CLRN1: variants seen among roughly 807,000 people sequenced by gnomAD.
CLRN1 encodes clarin 1, also known as clarin-1.
A neutral mutation model predicts 18.7 loss-of-function variants in CLRN1; 15 were observed. That is an observed-to-expected ratio of 0.80 (90% CI 0.54 to 1.23). The LOEUF is 1.23. Among genes scored for constraint, CLRN1 ranks in the 50% most tolerant of loss-of-function variants. CLRN1 has a pLI of 0.00. For synonymous variants in CLRN1, 104 were observed against 102.9 expected (o/e 1.01, Z -0.07); for missense variants, 311 against 277.5 (o/e 1.12, Z -0.86).
Position 150,927,080 on chromosome 3 carries a change from C to A in CLRN1, c.*856G>T. ...GTCATTTTGCATCAAATGTACTAAG[C>A]AGAGATCATTTTTCATGATTCCTCA... is the stretch of plus-strand genomic sequence containing the variant. On this transcript the variant is annotated 3_prime_UTR_variant, in exon 3 of 3. Transcript: ENST00000327047. The A allele has an allele frequency of 1.2e-6, 1 of 849,142 alleles. No individual in the cohort carries two copies. The highest frequency in any genetic ancestry group is 1.9e-6 in the Non-Finnish European group (1 of 523,004). The allele number at this position is 849,142 out of a possible 1,614,324, so 52.6% of individuals were successfully genotyped here. A position where few individuals can be genotyped will look rare whatever the true frequency, so the allele number is the denominator to read the frequency against.
At chr3:150,943,624 A>G (rs1713985582) in intron 1 of CLRN1, among the ~76,000 whole-genome samples, 1 of 152,248 alleles carries the variant, frequency 6.6e-6, no homozygotes, top group African/African-American at 2.4e-5. Flanking sequence ...CCAAACAAGA[A>G]TTCAGGATGC....
intron 2 of CLRN1, among the ~76,000 whole-genome samples, chr3:150,930,098 G>C (rs1361104249): frequency 2.0e-5 from 3 of 152,184 alleles, no homozygotes; most frequent in Non-Finnish European, 4.4e-5. Context: ...TTTGGCAGAG[G>C]ACATAAAATC....
intron 1 of CLRN1, among the ~76,000 whole-genome samples, chr3:150,944,542 A>T (rs1406297305): frequency 7.6e-6 from 1 of 131,856 alleles, no homozygotes. Flanking sequence ...TGGAGATGGA[A>T]GATAGGACTT....
chr3:150,938,374 A>G (rs139429178), intron 2 of CLRN1, among the ~76,000 whole-genome samples: 2 of 152,300 alleles, frequency 1.3e-5, no homozygotes, highest in African/African-American at 4.8e-5. Flanking sequence ...GATAAGGGCT[A>G]CAAACCTACC....
At chr3:150,953,697 T>C (rs1714599195) in intron 1 of CLRN1, among the ~76,000 whole-genome samples, 1 of 152,048 alleles carries the variant, frequency 6.6e-6, no homozygotes, top group Non-Finnish European at 1.5e-5. Context: ...TTTGTATTTT[T>C]AGTAGAGACA....
At chr3:150,958,225 T>C (rs906599179) in intron 1 of CLRN1, among the ~76,000 whole-genome samples, 1 of 152,228 alleles carries the variant, frequency 6.6e-6, no homozygotes, top group Admixed American at 6.5e-5. Flanking sequence ...CAACTGTCCA[T>C]TCAGTAGAAA....
At chr3:150,945,804 T>C (rs1714135407) in intron 1 of CLRN1, 2 of 438,226 alleles carry the variant, frequency 4.6e-6, no homozygotes, top group Non-Finnish European at 7.4e-6. Flanking sequence ...ATGGGGACCC[T>C]TGTGCATTTT....
intron 1 of CLRN1, among the ~76,000 whole-genome samples, chr3:150,943,151 G>A (rs572885259): frequency 3.3e-5 from 5 of 152,116 alleles, no homozygotes; most frequent in African/African-American, 7.2e-5. Flanking sequence ...GTTATCCAGC[G>A]GTATCAATGA....
rs886845489 is a variant in CLRN1 at position 150,941,524 on chromosome 3, G to C, written c.433+58C>G. On this transcript the variant is annotated intron_variant, in intron 2 of 2. Coordinates refer to ENST00000327047, the MANE Select transcript of CLRN1 (RefSeq NM_174878.3). ...ATTATAACTTTATATTTAGGTAGAC[G>C]GTCTTTTTGACATATTGAAAAGCAC... is the stretch of plus-strand genomic sequence containing the variant. 4.0e-6 allele frequency: 6 copies of C among 1,508,008 alleles called. No homozygotes were observed. The Admixed American group carries it at 1.0e-4, about 26-fold the overall frequency. The allele number at this position is 1,508,008 out of a possible 1,614,324, so 93.4% of individuals were successfully genotyped here. A position where few individuals can be genotyped will look rare whatever the true frequency, so the allele number is the denominator to read the frequency against.
chr3:150,936,991 T>G (rs956694480), intron 2 of CLRN1, among the ~76,000 whole-genome samples: 2 of 152,218 alleles, frequency 1.3e-5, no homozygotes, highest in Non-Finnish European at 2.9e-5. Flanking sequence ...GCCAGATCTC[T>G]GCTATCTTTC....
chr3:150,943,319 T>C (rs1305484853), intron 1 of CLRN1, among the ~76,000 whole-genome samples: 3 of 152,186 alleles, frequency 2.0e-5, no homozygotes, highest in South Asian at 4.1e-4. Context: ...TTTTTACCAA[T>C]AGAATGTTGC....
chr3:150,926,964 G>A lies in CLRN1; in HGVS notation c.*972C>T. On this transcript the variant is annotated 3_prime_UTR_variant, in exon 3 of 3. Coordinates refer to ENST00000327047, the MANE Select transcript of CLRN1 (RefSeq NM_174878.3). ...GCCAGAACAAGACCAAGATGATACA[G>A]TGATACCGTCATAATCCCAGATTTA... The A allele has an allele frequency of 6.2e-7, 1 of 1,600,038 alleles. No individual in the cohort carries two copies. The highest frequency in any genetic ancestry group is 8.6e-7 in the Non-Finnish European group (1 of 1,169,284).
chr3:150,962,371 T>C (rs990577368), intron 1 of CLRN1, among the ~76,000 whole-genome samples: 2 of 152,246 alleles, frequency 1.3e-5, no homozygotes, highest in Non-Finnish European at 1.5e-5. Flanking sequence ...TTCAGTCTAA[T>C]GTATATGAGT....
chr3:150,951,979 C>A (rs1714506799), intron 1 of CLRN1, among the ~76,000 whole-genome samples: 1 of 152,124 alleles, frequency 6.6e-6, no homozygotes, highest in African/African-American at 2.4e-5. Context: ...GAGATTTGGG[C>A]AGGGACGACA....
chr3:150,927,753 A>G lies in CLRN1; in HGVS notation c.*183T>C. The stretch of plus-strand genomic sequence containing the variant: ...TTCCCACCAGATAAAACAACTTTTC[A>G]AAGCCTTCCTTCTGCTTCCCTTACT... On this transcript the variant is annotated 3_prime_UTR_variant, in exon 3 of 3. Coordinates refer to ENST00000327047, the MANE Select transcript of CLRN1 (RefSeq NM_174878.3). 1.2e-6 allele frequency: 1 copy of G among 866,518 alleles called. No homozygotes were observed. The highest frequency in any genetic ancestry group is 1.4e-5 in the South Asian group (1 of 70,216). The allele number at this position is 866,518 out of a possible 1,614,324, so 53.7% of individuals were successfully genotyped here. A position where few individuals can be genotyped will look rare whatever the true frequency, so the allele number is the denominator to read the frequency against.
intron 1 of CLRN1, chr3:150,944,168 AG>A: frequency 2.6e-6 from 1 of 391,062 alleles, no homozygotes. Context: ...AGAACTTTCC[AG>A]GGAAAAGAAG....
intron 1 of CLRN1, among the ~76,000 whole-genome samples, chr3:150,961,478 C>G (rs1222980693): frequency 6.6e-6 from 1 of 152,190 alleles, no homozygotes; most frequent in Admixed American, 6.5e-5. Flanking sequence ...TTGCCTTCAT[C>G]TGGCCAGATG....
At chr3:150,931,074 C>T (rs1271827869) in intron 2 of CLRN1, among the ~76,000 whole-genome samples, 2 of 152,138 alleles carry the variant, frequency 1.3e-5, no homozygotes, top group Non-Finnish European at 2.9e-5. Context: ...GTCTCATAAC[C>T]TTTCAGTGAC....
chr3:150,931,601 G>A (rs1713149342), intron 2 of CLRN1, among the ~76,000 whole-genome samples: 1 of 152,180 alleles, frequency 6.6e-6, no homozygotes, highest in Admixed American at 6.5e-5. Context: ...TGTTTCAAGA[G>A]GCATGGTCAG....
Sources: allele counts gnomAD v4.1 joint callset (sites outside exome capture counted in the v4.1 genomes callset), GRCh38; gene constraint gnomAD v4.1.1; transcripts MANE v1.5; gene names NCBI Gene and HGNC (gene_info 2026-07-23, HGNC 2026-07-21).